The following B3GLCT variants were observed in gnomAD, a reference collection of about 807,000 sequenced individuals.
B3GLCT encodes beta 3-glucosyltransferase.
B3GLCT carries 65 observed loss-of-function variants against 63.4 expected under a neutral mutation model. The ratio of observed to expected loss-of-function variants is 1.03; its 90% confidence interval spans 0.84 to 1.26. The LOEUF is 1.26. B3GLCT is among the 50% of genes most tolerant of loss of function. The pLI is 0.00. For missense variants in B3GLCT, 577 were observed against 604.8 expected, an observed-to-expected ratio of 0.95 and a Z score of 0.48; for synonymous variants, 233 against 219.2, an observed-to-expected ratio of 1.06 and a Z score of -0.55.
chr13:31,268,224 GA>G (rs1366164167), intron 7 of B3GLCT, among the ~76,000 whole-genome samples: 1 of 152,078 alleles, frequency 6.6e-6, no homozygotes, highest in Non-Finnish European at 1.5e-5. Flanking sequence ...GTCTAGTCTT[GA>G]GCTCTATAAA....
Position 31,267,175 on chromosome 13 carries a change from G to A in B3GLCT, c.597-2039G>A, listed in dbSNP as rs569237617. Among the ~76,000 whole-genome samples the A allele has an allele frequency of 5.1e-4, 77 of 152,344 alleles. 1 individual carries two copies. The highest frequency in any genetic ancestry group is 5.2e-4 in the Admixed American group (8 of 15,308). On this transcript the variant is annotated intron_variant, in intron 7 of 14. Transcript: ENST00000343307. ...ACTTGAAAAGCCAAAAAGATGGAGA[G>A]CATGTTTAAGGTAACAGTACTAAGG... is the stretch of plus-strand genomic sequence containing the variant.
chr13:31,328,524 G>A lies in B3GLCT; in HGVS notation c.1330-977G>A, dbSNP rs186742601. Among the ~76,000 whole-genome samples, 438 of 151,572 alleles carry A rather than the reference G, an allele frequency of 2.9e-3. 2 individuals are homozygous for A. Among genetic ancestry groups the A allele is most frequent in the Non-Finnish European group, 5.0e-3 (337 of 67,864 alleles). On this transcript the variant is annotated intron_variant, in intron 14 of 14. Transcript: ENST00000343307. ...GGCTGGCTAACATGGTGAAACCCCC[G>A]TCTCCACTAAATACAAAAATTAGCC...
At position 31,317,426 on chromosome 13, in the gene B3GLCT, A is replaced by G. The variant is rs964789680; in HGVS notation, c.1065-140A>G. 4.7e-5 allele frequency: 46 copies of G among 970,354 alleles called. 1 individual carries two copies. The highest frequency in any genetic ancestry group is 4.3e-4 in the Middle Eastern group (2 of 4,692). The allele number at this position is 970,354 out of a possible 1,614,324, so 60.1% of individuals were successfully genotyped here. ...GTTGTTTAAAAATTTTATTTATTTT[A>G]TAAGTCACTCAAATTTCTTCTCTTA... is the stretch of plus-strand genomic sequence containing the variant. On this transcript the variant is annotated intron_variant, in intron 12 of 14. Transcript: ENST00000343307.
At chr13:31,319,924 T>A (rs1259853302) in intron 13 of B3GLCT, among the ~76,000 whole-genome samples, 1 of 152,188 alleles carries the variant, frequency 6.6e-6, no homozygotes, top group African/African-American at 2.4e-5. Flanking sequence ...ACCCTTTCTT[T>A]CCTTCTTTCC....
At chr13:31,226,220 A>G (rs1383084865) in intron 3 of B3GLCT, among the ~76,000 whole-genome samples, 1 of 152,210 alleles carries the variant, frequency 6.6e-6, no homozygotes, top group African/African-American at 2.4e-5. Context: ...TTGTGTTACA[A>G]TGGCCTGCCT....
Position 31,219,155 on chromosome 13 carries a change from T to C in B3GLCT, c.121-3797T>C, listed in dbSNP as rs148780394. Reference sequence around the variant, plus strand: ...AGAGACACAACAAAAAAAGAAAACGTCAGGCCAGTATCCCTGATGAACATA... The same window carrying C: ...AGAGACACAACAAAAAAAGAAAACGCCAGGCCAGTATCCCTGATGAACATA... On this transcript the variant is annotated intron_variant, in intron 2 of 14. Transcript: ENST00000343307. Among the ~76,000 whole-genome samples, 381 of 152,162 alleles carry C rather than the reference T, an allele frequency of 2.5e-3. 2 individuals are homozygous for C. The highest frequency in any genetic ancestry group is 8.5e-3 in the African/African-American group (351 of 41,526).
chr13:31,269,550 A>G (rs1187361275), intron 8 of B3GLCT, among the ~76,000 whole-genome samples: 2 of 150,658 alleles, frequency 1.3e-5, no homozygotes, highest in Admixed American at 6.7e-5. Context: ...GTAGATTTCT[A>G]AAAAAATGCA....
Position 31,200,037 on chromosome 13 carries a change from G to C in B3GLCT, c.-48G>C. ...AGCGGCGCAGCTCCGCTCCCCGCGCGTCTCCCTTCCCCGCGCCCAGGTAGG... is the reference window on the plus strand; with the variant it reads ...AGCGGCGCAGCTCCGCTCCCCGCGCCTCTCCCTTCCCCGCGCCCAGGTAGG... On this transcript the variant is annotated 5_prime_UTR_variant, in exon 1 of 15. Transcript: ENST00000343307. 1 of 1,241,760 alleles carries C rather than the reference G, an allele frequency of 8.1e-7. No individual in the cohort carries two copies. The highest frequency in any genetic ancestry group is 2.0e-5 in the South Asian group (1 of 51,146). The allele number at this position is 1,241,760 out of a possible 1,614,324, so 76.9% of individuals were successfully genotyped here. A position where few individuals can be genotyped will look rare whatever the true frequency, so the allele number is the denominator to read the frequency against.
chr13:31,242,526 C>G (rs922264004), intron 4 of B3GLCT, among the ~76,000 whole-genome samples: 1 of 152,332 alleles, frequency 6.6e-6, no homozygotes, highest in Non-Finnish European at 1.5e-5. Flanking sequence ...TCACTTGCTC[C>G]CCTTTGCTGT....
At chr13:31,320,941 C>T (rs550375317) in intron 13 of B3GLCT, among the ~76,000 whole-genome samples, 2 of 152,346 alleles carry the variant, frequency 1.3e-5, no homozygotes, top group East Asian at 3.9e-4. Context: ...AATCTAGCCT[C>T]TCAAATCTGG....
chr13:31,296,974 A>G (rs909312485), intron 12 of B3GLCT, among the ~76,000 whole-genome samples: 3 of 151,574 alleles, frequency 2.0e-5, no homozygotes, highest in Admixed American at 6.6e-5. Context: ...TTCTGCCTCT[A>G]TGATTTTGAC....
intron 4 of B3GLCT, among the ~76,000 whole-genome samples, chr13:31,244,613 G>A (rs985977778): frequency 2.0e-5 from 3 of 152,136 alleles, no homozygotes; most frequent in South Asian, 2.1e-4. Flanking sequence ...ATAATCCTAA[G>A]TGGTAGGAAC....
intron 14 of B3GLCT, among the ~76,000 whole-genome samples, 154 bp downstream of exon 14, chr13:31,324,049 C>G (rs1047709674): frequency 2.6e-5 from 4 of 152,152 alleles, no homozygotes; most frequent in African/African-American, 9.7e-5. Flanking sequence ...GGACTGTTAC[C>G]CTGTTTGATG....
At chr13:31,231,987 C>G (rs1210221071) in intron 4 of B3GLCT, among the ~76,000 whole-genome samples, 1 of 152,170 alleles carries the variant, frequency 6.6e-6, no homozygotes, top group African/African-American at 2.4e-5. Flanking sequence ...TGTGTTATAG[C>G]TTCTCTTTGG....
rs188304447 is a variant in B3GLCT at position 31,248,341 on chromosome 13, C to T, written c.459+375C>T. Among the ~76,000 whole-genome samples, 59 of 152,154 alleles carry T rather than the reference C, an allele frequency of 3.9e-4. No homozygotes were observed. In the East Asian group the frequency reaches 0.01, roughly 27 times the overall value. On this transcript the variant is annotated intron_variant, in intron 6 of 14. Transcript: ENST00000343307. ...TAGATAGAAAATTTTTTTTGAGTGC[C>T]AGCTGTATACTGAGCACTGTGGATG... is the stretch of plus-strand genomic sequence containing the variant.
chr13:31,272,621 CTGAT>C (rs1278525713), intron 8 of B3GLCT, among the ~76,000 whole-genome samples: 3 of 151,956 alleles, frequency 2.0e-5, no homozygotes, highest in African/African-American at 7.3e-5. Flanking sequence ...CTGTACTTTA[CTGAT>C]TATTTTAAAT....
At position 31,317,674 on chromosome 13, in the gene B3GLCT, G is replaced by A. The variant is rs369715616; in HGVS notation, c.1173G>A (p.Thr391=). ...GLGTGGYSYI[T]GGGGMVFSRE... is the part of the protein sequence containing the mutation. ...GCACTGGTGGCTACAGCTACATCACGGGAGGAGGAGGGTAACTATGATCAC... is the reference window on the plus strand; with the variant it reads ...GCACTGGTGGCTACAGCTACATCACAGGAGGAGGAGGGTAACTATGATCAC... Residue 391 remains threonine, a synonymous_variant, in exon 13 of 15, where the codon ACG becomes ACA. Transcript: ENST00000343307. 77 of 1,613,858 alleles carry A rather than the reference G, an allele frequency of 4.8e-5. No individual in the cohort carries two copies. Among genetic ancestry groups the A allele is most frequent in the African/African-American group, 6.7e-5 (5 of 74,882 alleles).
At position 31,283,723 on chromosome 13, in the gene B3GLCT, T is replaced by C. The variant is rs370681913; in HGVS notation, c.851-925T>C. Among the ~76,000 whole-genome samples, 159 of 152,276 alleles carry C rather than the reference T, an allele frequency of 1.0e-3. 2 individuals are homozygous for C. The East Asian group carries it at 0.011, about 10-fold the overall frequency. On this transcript the variant is annotated intron_variant, in intron 10 of 14. Coordinates refer to ENST00000343307, the MANE Select transcript of B3GLCT (RefSeq NM_194318.4). ...ATTAGCTAAACACTTAAATTTTACA[T>C]TGGAACATCAGTTTTTGTATATATT...
At chr13:31,310,054 A>G (rs1008623143) in intron 12 of B3GLCT, among the ~76,000 whole-genome samples, 5 of 152,158 alleles carry the variant, frequency 3.3e-5, no homozygotes, top group African/African-American at 1.2e-4. Context: ...CCAACCTTCA[A>G]GCCAGGCTAT....
Sources: gnomAD v4.1 joint callset for allele counts (sites outside exome capture counted in the v4.1 genomes callset) on GRCh38, gnomAD v4.1.1 for gene constraint, MANE v1.5 for transcripts, NCBI Gene and HGNC (gene_info 2026-07-23, HGNC 2026-07-21) for gene names.